Variants in SH2D4B observed in about 807,000 individuals in gnomAD.
The protein encoded by SH2D4B is SH2 domain-containing protein 4B.
In SH2D4B, 45 loss-of-function variants were observed where a neutral mutation model predicts 61.5. The observed-to-expected ratio is 0.73, with a 90% CI of 0.58 to 0.94. The LOEUF is 0.94. Ranked by LOEUF, SH2D4B falls within the 40% of genes least tolerant of loss-of-function variation. SH2D4B has a pLI of 0.00. For synonymous variants in SH2D4B, 224 were observed against 220.4 expected (o/e 1.02, Z -0.14); for missense variants, 572 against 574.2 (o/e 1.00, Z 0.04).
intron 3 of SH2D4B, among the ~76,000 whole-genome samples, chr10:80,579,665 T>G (rs1034634482): frequency 2.6e-5 from 4 of 151,970 alleles, no homozygotes; most frequent in African/African-American, 9.7e-5. Context: ...TGTTTATTAA[T>G]TTTTTTTCCA....
At chr10:80,557,853 C>T (rs1013711956) in intron 1 of SH2D4B, among the ~76,000 whole-genome samples, 1 of 151,924 alleles carries the variant, frequency 6.6e-6, no homozygotes, top group Non-Finnish European at 1.5e-5. Context: ...CTACCATTAT[C>T]TTTATTATTT....
At chr10:80,588,499 A>G (rs1842285830) in intron 3 of SH2D4B, 131 bp from the exon 4 acceptor site, 1 of 1,161,546 alleles carries the variant, frequency 8.6e-7, no homozygotes, top group Non-Finnish European at 1.2e-6. Context: ...TCATACATGT[A>G]GGGACTGAGG....
chr10:80,538,345 T>C lies in SH2D4B; in HGVS notation c.14T>C (p.Ile5Thr). The part of the protein sequence containing the change: MLQQ[I>T]LHDMYIDPEL... ...CCAGGTGGCATCATGCTGCAGCAGA[T>C]CCTGCACGACATGTACATCGACCCC... The change falls in exon 1 of 8, where the codon ATC becomes ACC. Residue 5 changes from isoleucine (I) to threonine (T), a missense_variant. Coordinates refer to ENST00000646907, the MANE Select transcript of SH2D4B (RefSeq NM_001388272.1). The surrounding 1 kb of genome is among the most constrained non-coding windows in gnomAD (Gnocchi z 4.8). 7.4e-7 allele frequency: 1 copy of C among 1,356,178 alleles called. No homozygotes were observed. The allele number at this position is 1,356,178 out of a possible 1,614,324, so 84.0% of individuals were successfully genotyped here.
chr10:80,607,078 A>G (rs1842528180), intron 5 of SH2D4B, among the ~76,000 whole-genome samples: 2 of 152,382 alleles, frequency 1.3e-5, no homozygotes, highest in South Asian at 4.1e-4. Flanking sequence ...ATTTTAAGGT[A>G]TATAAATGTA....
At chr10:80,557,616 A>T (rs56273388) in intron 1 of SH2D4B, among the ~76,000 whole-genome samples, 7,227 of 152,130 alleles carry the variant, frequency 0.048, 526 homozygotes, top group African/African-American at 0.16. Flanking sequence ...TAATTTGCTT[A>T]TTTTATCTAA....
intron 6 of SH2D4B, among the ~76,000 whole-genome samples, chr10:80,626,236 A>G (rs945208109): frequency 2.7e-5 from 4 of 150,772 alleles, no homozygotes; most frequent in African/African-American, 9.8e-5. Flanking sequence ...AAGATTTTTT[A>G]TTTTATTCTT....
Position 80,557,957 on chromosome 10 carries a change from A to G in SH2D4B, c.185-12197A>G, listed in dbSNP as rs1267575495. 3.3e-5 allele frequency among the ~76,000 whole-genome samples: 5 copies of G among 152,174 alleles called. No homozygotes were observed. In the South Asian group the frequency reaches 8.3e-4, roughly 25 times the overall value. On this transcript the variant is annotated intron_variant, in intron 1 of 7. Coordinates refer to ENST00000646907, the MANE Select transcript of SH2D4B (RefSeq NM_001388272.1). Reference sequence around the variant, plus strand: ...CATTGATTTGAAACATTCCTTTCTAATATAAGCATTTGATGCTATAAATGT... The same window carrying G: ...CATTGATTTGAAACATTCCTTTCTAGTATAAGCATTTGATGCTATAAATGT...
chr10:80,578,859 A>G (rs955005068), intron 3 of SH2D4B, among the ~76,000 whole-genome samples: 1 of 152,190 alleles, frequency 6.6e-6, no homozygotes, highest in Non-Finnish European at 1.5e-5. Flanking sequence ...ACGAGGAAGG[A>G]GAGAAGGGAT....
intron 4 of SH2D4B, among the ~76,000 whole-genome samples, chr10:80,602,543 G>A (rs192708821): frequency 6.6e-6 from 1 of 152,262 alleles, no homozygotes; most frequent in East Asian, 1.9e-4. Context: ...TTGGAGTCTC[G>A]TAAGCTGTTA....
At chr10:80,582,483 C>A (rs1000342802) in intron 3 of SH2D4B, among the ~76,000 whole-genome samples, 6 of 152,134 alleles carry the variant, frequency 3.9e-5, no homozygotes, top group African/African-American at 1.4e-4. Context: ...GCTAGGCTAC[C>A]CTTCTGGAAC....
chr10:80,637,603 T>G (rs1195148925), intron 7 of SH2D4B, among the ~76,000 whole-genome samples: 1 of 152,224 alleles, frequency 6.6e-6, no homozygotes, highest in Non-Finnish European at 1.5e-5. Context: ...TATTGGTGTA[T>G]AGGAATGCTT....
rs983928022 is a variant in SH2D4B at position 80,609,549 on chromosome 10, A to G, written c.986A>G (p.His329Arg). 2 of 1,614,042 alleles carry G rather than the reference A, an allele frequency of 1.2e-6. No individual in the cohort carries two copies. Among genetic ancestry groups the G allele is most frequent in the African/African-American group, 1.3e-5 (1 of 74,924 alleles). Reference sequence around the variant, plus strand: ...ACCAAGTTCATCGCCCCCTGGTTCCATGGTAGCACCATTTTTCTGGGCCCT... The same window carrying G: ...ACCAAGTTCATCGCCCCCTGGTTCCGTGGTAGCACCATTTTTCTGGGCCCT... ...RNTKFIAPWF[H>R]GIISREDAEA... Residue 329 changes from histidine (H) to arginine (R), a missense_variant and splice_region_variant, in exon 6 of 8, where the codon CAT (histidine) becomes CGT (arginine). Physicochemically the swap from His to Arg is conservative, Grantham distance 29. Coordinates refer to ENST00000646907, the MANE Select transcript of SH2D4B (RefSeq NM_001388272.1).
intron 1 of SH2D4B, among the ~76,000 whole-genome samples, chr10:80,550,442 A>C (rs1005496961): frequency 2.6e-5 from 4 of 151,916 alleles, no homozygotes; most frequent in African/African-American, 4.8e-5. Context: ...AAGTACAAAA[A>C]AACTAGCCGG....
chr10:80,623,427 C>T (rs896759430), intron 6 of SH2D4B, among the ~76,000 whole-genome samples: 1 of 152,182 alleles, frequency 6.6e-6, no homozygotes, highest in Non-Finnish European at 1.5e-5. Flanking sequence ...TCCATGAGCC[C>T]TCCATCCTCA....
At chr10:80,601,467 C>T (rs1161170186) in intron 4 of SH2D4B, among the ~76,000 whole-genome samples, 6 of 152,204 alleles carry the variant, frequency 3.9e-5, no homozygotes, top group Non-Finnish European at 8.8e-5. Context: ...CAACTCAGGG[C>T]CTAGTGCAGC....
rs565194635 is a variant in SH2D4B, at chr10:80,573,077, C to T, written c.495+1499C>T. Reference sequence around the variant, plus strand: ...TCGGCTCACTGCAAGCTCCGCCTCCCGGGTTCATGCCATTCCCTTGCCTTA... The same window carrying T: ...TCGGCTCACTGCAAGCTCCGCCTCCTGGGTTCATGCCATTCCCTTGCCTTA... On this transcript the variant is annotated intron_variant, in intron 3 of 7. Coordinates refer to ENST00000646907, the MANE Select transcript of SH2D4B (RefSeq NM_001388272.1). Among the ~76,000 whole-genome samples the T allele has an allele frequency of 1.2e-3, 161 of 135,816 alleles. 1 individual carries two copies. Among genetic ancestry groups the T allele is most frequent in the African/African-American group, 4.1e-3 (148 of 36,092 alleles). The allele number at this position is 135,816 out of a possible 152,430, so 89.1% of individuals were successfully genotyped here.
At chr10:80,619,398 C>T (rs1842692903) in intron 6 of SH2D4B, among the ~76,000 whole-genome samples, 1 of 152,228 alleles carries the variant, frequency 6.6e-6, no homozygotes, top group Non-Finnish European at 1.5e-5. Context: ...TCCTGTTCTA[C>T]AGAGGCCCAA....
intron 6 of SH2D4B, among the ~76,000 whole-genome samples, chr10:80,611,646 G>A (rs891473159): frequency 1.3e-5 from 2 of 152,220 alleles, no homozygotes; most frequent in Non-Finnish European, 2.9e-5. Flanking sequence ...GGCATCTTAG[G>A]GAGCTGTGGA....
At chr10:80,605,208 T>A (rs1842504725) in intron 5 of SH2D4B, among the ~76,000 whole-genome samples, 1 of 152,180 alleles carries the variant, frequency 6.6e-6, no homozygotes, top group Admixed American at 6.5e-5. Context: ...CATGGGGTTC[T>A]GCACTTTGAT....
Sources: gnomAD v4.1 joint callset for allele counts (sites outside exome capture counted in the v4.1 genomes callset) on GRCh38, gnomAD v4.1.1 for gene constraint, Gnocchi (gnomAD v3.1) non-coding constraint, MANE v1.5 for transcripts, NCBI Gene and HGNC (gene_info 2026-07-23, HGNC 2026-07-21) for gene names.